Variants in DACH2 observed in about 807,000 individuals in gnomAD.
DACH2 encodes dachshund homolog 2.
DACH2 carries 17 observed loss-of-function variants against 35.8 expected under a neutral mutation model. That is an observed-to-expected ratio of 0.48 (90% CI 0.33 to 0.71). The LOEUF (loss-of-function observed/expected upper bound fraction) is 0.71, where lower values mean the gene tolerates loss of function less well. DACH2 is among the 30% of genes least tolerant of loss of function. DACH2 has a pLI of 0.02. For synonymous variants in DACH2, 195 were observed against 177.3 expected (o/e 1.10, Z -0.79); for missense variants, 469 against 472.7 (o/e 0.99, Z 0.07).
chrX:86,512,372 C>A (rs1265986699), intron 2 of DACH2, among the ~76,000 whole-genome samples: 1 of 110,442 alleles, frequency 9.1e-6, no homozygotes, highest in Non-Finnish European at 1.9e-5. Flanking sequence ...GCTTCCCAAG[C>A]CTGGGTCAGA....
intron 1 of DACH2, among the ~76,000 whole-genome samples, chrX:86,341,527 C>T (rs761043481): frequency 8.9e-6 from 1 of 112,320 alleles, no homozygotes; most frequent in African/African-American, 3.2e-5. Flanking sequence ...TGTTTTCATG[C>T]CTGCTAACAT....
intron 1 of DACH2, among the ~76,000 whole-genome samples, chrX:86,261,311 C>T (rs2033620582): frequency 2.7e-5 from 3 of 111,755 alleles, no homozygotes. Context: ...TGCGTTGGAT[C>T]CCTGAGGTAA....
At chrX:86,433,519 A>G (rs750765565) in intron 2 of DACH2, among the ~76,000 whole-genome samples, 1 of 111,632 alleles carries the variant, frequency 9.0e-6, no homozygotes, top group Non-Finnish European at 1.9e-5. Context: ...TCTTTTTTTC[A>G]TTCTTCTGTA....
chrX:86,574,552 C>A (rs1004610595), intron 3 of DACH2, among the ~76,000 whole-genome samples: 12 of 111,618 alleles, frequency 1.1e-4, no homozygotes, highest in African/African-American at 3.6e-4. Context: ...GGCTTCTCTT[C>A]TTTTTCACAC....
intron 3 of DACH2, among the ~76,000 whole-genome samples, chrX:86,633,854 C>G (rs2040231190): frequency 8.9e-6 from 1 of 111,975 alleles, no homozygotes; most frequent in African/African-American, 3.2e-5. Flanking sequence ...ACCATATTAA[C>G]AGAATTAAAA....
At chrX:86,739,300 G>T (rs775133195) in intron 6 of DACH2, among the ~76,000 whole-genome samples, 141 of 111,424 alleles carry the variant, frequency 1.3e-3, no homozygotes, top group African/African-American at 4.2e-3. Flanking sequence ...CATGTGCCAG[G>T]TGCCACAATT....
chrX:86,809,849 C>G (rs1399641326), intron 7 of DACH2, among the ~76,000 whole-genome samples: 1 of 111,246 alleles, frequency 9.0e-6, no homozygotes, highest in Non-Finnish European at 1.9e-5. Context: ...TTCCCACCCT[C>G]TGTGTCCTAT....
chrX:86,627,396 G>A (rs2040150827), intron 3 of DACH2, among the ~76,000 whole-genome samples: 1 of 111,541 alleles, frequency 9.0e-6, no homozygotes, highest in Admixed American at 9.6e-5. Flanking sequence ...CATAACAATT[G>A]TTCATGTTGT....
chrX:86,347,344 G>C (rs1330976905), intron 1 of DACH2, among the ~76,000 whole-genome samples: 7 of 112,615 alleles, frequency 6.2e-5, no homozygotes, highest in Non-Finnish European at 1.3e-4. Flanking sequence ...GAAGTAGTCA[G>C]CAAAGAGAAT....
intron 2 of DACH2, among the ~76,000 whole-genome samples, chrX:86,429,853 G>A (rs557414265): frequency 8.9e-6 from 1 of 112,065 alleles, no homozygotes; most frequent in African/African-American, 3.2e-5. Flanking sequence ...ATGAGCCACC[G>A]CGCCTGGCCT....
chrX:86,205,744 T>G (rs1172988053), intron 1 of DACH2, among the ~76,000 whole-genome samples: 2 of 105,763 alleles, frequency 1.9e-5, no homozygotes, highest in African/African-American at 6.9e-5. Context: ...TTTTGTAAAT[T>G]TTAGTAGAGA....
intron 2 of DACH2, among the ~76,000 whole-genome samples, chrX:86,421,983 G>T (rs1486234667): frequency 9.0e-6 from 1 of 111,288 alleles, no homozygotes; most frequent in African/African-American, 3.3e-5. Flanking sequence ...TCTGAGGAGA[G>T]TTGAGGCAAT....
intron 1 of DACH2, among the ~76,000 whole-genome samples, chrX:86,198,197 A>C (rs1569298959): frequency 8.9e-6 from 1 of 112,251 alleles, no homozygotes; most frequent in East Asian, 2.8e-4. Flanking sequence ...GCAGAAACCA[A>C]GATGTTCTTT....
At chrX:86,726,940 T>G (rs1264538883) in intron 6 of DACH2, among the ~76,000 whole-genome samples, 1 of 112,323 alleles carries the variant, frequency 8.9e-6, no homozygotes, top group African/African-American at 3.2e-5. Context: ...TAGTTTTCTC[T>G]TTTAGAAAGT....
chrX:86,685,164 T>C (rs1178511955), intron 4 of DACH2, among the ~76,000 whole-genome samples: 1 of 111,696 alleles, frequency 9.0e-6, no homozygotes, highest in Non-Finnish European at 1.9e-5. Flanking sequence ...TGAGGTTGTA[T>C]TGTGTTGTTC....
chrX:86,620,280 G>A (rs900522511), intron 3 of DACH2, among the ~76,000 whole-genome samples: 1 of 111,769 alleles, frequency 8.9e-6, no homozygotes, highest in Admixed American at 9.5e-5. Flanking sequence ...GAAAAAGGCC[G>A]TGAACTAGGA....
rs199959066 is a variant in DACH2 at position 86,337,244 on chromosome X, T to G, written c.489-39580T>G. On this transcript the variant is annotated intron_variant, in intron 1 of 11. Coordinates refer to ENST00000373125, the MANE Select transcript of DACH2 (RefSeq NM_053281.3). The stretch of plus-strand genomic sequence containing the variant: ...ACAGAGAATGCCACAAAGATACTCC[T>G]CGAGAAGAGCAACTCCAAGACACAT... Among the ~76,000 whole-genome samples the G allele has an allele frequency of 8.1e-5, 9 of 110,985 alleles. No homozygotes were observed. The East Asian group carries it at 8.7e-4, about 11-fold the overall frequency.
chrX:86,732,083 A>G (rs1053016216), intron 6 of DACH2, among the ~76,000 whole-genome samples: 1 of 112,304 alleles, frequency 8.9e-6, no homozygotes, highest in African/African-American at 3.2e-5. Flanking sequence ...CAGCACAGTT[A>G]TAGAATGTTT....
At chrX:86,269,126 C>T (rs1170656575) in intron 1 of DACH2, among the ~76,000 whole-genome samples, 2 of 109,848 alleles carry the variant, frequency 1.8e-5, no homozygotes, top group Non-Finnish European at 3.8e-5. Flanking sequence ...TCTACCCCTC[C>T]CCACCCCCCA....
Sources: allele counts gnomAD v4.1 joint callset (sites outside exome capture counted in the v4.1 genomes callset), GRCh38; gene constraint gnomAD v4.1.1; transcripts MANE v1.5; gene names NCBI Gene and HGNC (gene_info 2026-07-23, HGNC 2026-07-21).